Variants in STOM observed in about 807,000 individuals in gnomAD.
The protein encoded by STOM is stomatin.
In STOM, 25 loss-of-function variants were observed where a neutral mutation model predicts 30.6. The observed-to-expected ratio is 0.82, with a 90% confidence interval of 0.60 to 1.14. The LOEUF (loss-of-function observed/expected upper bound fraction) is 1.14. Ranked by LOEUF, STOM falls within the 50% of genes most tolerant of loss-of-function variation. The pLI is 0.00. For missense variants in STOM, 292 were observed against 365.2 expected (o/e 0.80, Z 1.63); for synonymous variants, 118 against 130.8 (o/e 0.90, Z 0.67).
intron 6 of STOM, among the ~76,000 whole-genome samples, chr9:121,343,681 A>G (rs1163400905): frequency 2.6e-5 from 4 of 152,160 alleles, no homozygotes; most frequent in Non-Finnish European, 5.9e-5. Flanking sequence ...ATTCCAGAAA[A>G]CTGTCAATGG....
chr9:121,367,132 A>C (rs955097747), intron 1 of STOM, among the ~76,000 whole-genome samples: 7 of 152,244 alleles, frequency 4.6e-5, no homozygotes, highest in Admixed American at 2.6e-4. Context: ...CAAACTGATA[A>C]ATATGTTATG....
intron 6 of STOM, 54 bp downstream of exon 6, chr9:121,347,961 T>G: frequency 6.5e-7 from 1 of 1,539,432 alleles, no homozygotes; most frequent in Non-Finnish European, 8.7e-7. Context: ...TTTTTTATAA[T>G]TATTAATAAA....
At chr9:121,344,324 T>A (rs1239737588) in intron 6 of STOM, among the ~76,000 whole-genome samples, 1 of 152,188 alleles carries the variant, frequency 6.6e-6, no homozygotes, top group Non-Finnish European at 1.5e-5. Flanking sequence ...ATTTTTTCCA[T>A]ATCATCTCAG....
intron 1 of STOM, among the ~76,000 whole-genome samples, chr9:121,368,667 G>A (rs2064528997): frequency 1.3e-5 from 2 of 152,226 alleles, no homozygotes; most frequent in East Asian, 3.9e-4. Context: ...TGGGGGGGTC[G>A]CGGTGGCTCA....
chr9:121,340,543 C>T lies in STOM; in HGVS notation c.*659G>A. Reference sequence around the variant, plus strand: ...CCTGAGGTTAGGAGTTCGTGACTAGCCTGGCCAACATGGTGAAACCCCGTC... The same window carrying T: ...CCTGAGGTTAGGAGTTCGTGACTAGTCTGGCCAACATGGTGAAACCCCGTC... On this transcript the variant is annotated 3_prime_UTR_variant, in exon 7 of 7. Coordinates refer to ENST00000286713, the MANE Select transcript of STOM (RefSeq NM_004099.6). 1 of 724,388 alleles carries T rather than the reference C, an allele frequency of 1.4e-6. No homozygotes were observed. Among genetic ancestry groups the T allele is most frequent in the Non-Finnish European group, 1.7e-6 (1 of 591,852 alleles). 44.9% of individuals were successfully genotyped at this position (724,388 alleles called of 1,614,324 possible).
intron 1 of STOM, among the ~76,000 whole-genome samples, chr9:121,365,280 C>A (rs1001058765): frequency 2.0e-5 from 3 of 151,936 alleles, no homozygotes; most frequent in Non-Finnish European, 4.4e-5. Flanking sequence ...AAAAATCAGA[C>A]CTTTTCCAAC....
At chr9:121,350,112 C>A (rs962260914) in intron 4 of STOM, among the ~76,000 whole-genome samples, 1 of 152,152 alleles carries the variant, frequency 6.6e-6, no homozygotes, top group Non-Finnish European at 1.5e-5. Context: ...GGTAACTTTA[C>A]TGAATAAAAC....
intron 1 of STOM, among the ~76,000 whole-genome samples, chr9:121,359,626 C>G (rs1589296237): frequency 6.6e-6 from 1 of 152,118 alleles, no homozygotes; most frequent in Non-Finnish European, 1.5e-5. Context: ...TCATTTAACT[C>G]TTACAACAGC....
Position 121,340,797 on chromosome 9 carries a change from T to A in STOM, c.*405A>T. 7 of 1,014,516 alleles carry A rather than the reference T, an allele frequency of 6.9e-6. No individual in the cohort carries two copies. The highest frequency in any genetic ancestry group is 5.9e-6 in the Non-Finnish European group (5 of 846,860). The allele number at this position is 1,014,516 out of a possible 1,614,324, so 62.8% of individuals were successfully genotyped here. ...CTCTGGAGGTAAGGCACATATGACC[T>A]GGAGAAGCTGGTTGTGGTGTAAGGT... On this transcript the variant is annotated 3_prime_UTR_variant, in exon 7 of 7. Coordinates refer to ENST00000286713, the MANE Select transcript of STOM (RefSeq NM_004099.6).
chr9:121,340,906 TA>T lies in STOM; in HGVS notation c.*295del, dbSNP rs1439701178. On this transcript the variant is annotated 3_prime_UTR_variant, in exon 7 of 7. Transcript: ENST00000286713. The stretch of plus-strand genomic sequence containing the variant: ...GGTTCTTGCCTCTGGCCTGGGTGCT[TA>T]GGGGGTTCAGAATGAGTCAGTGGAA... The T allele has an allele frequency of 1.6e-6, 2 of 1,213,688 alleles. No individual in the cohort carries two copies. Among genetic ancestry groups the T allele is most frequent in the Non-Finnish European group, 2.1e-6 (2 of 963,668 alleles). 75.2% of individuals were successfully genotyped at this position (1,213,688 alleles called of 1,614,324 possible). A position where few individuals can be genotyped will look rare whatever the true frequency, so the allele number is the denominator to read the frequency against.
chr9:121,360,856 A>T (rs928630937), intron 1 of STOM, among the ~76,000 whole-genome samples: 1 of 152,244 alleles, frequency 6.6e-6, no homozygotes, highest in Non-Finnish European at 1.5e-5. Flanking sequence ...ATCACCAGGA[A>T]CAAGGAATTA....
intron 1 of STOM, among the ~76,000 whole-genome samples, chr9:121,362,222 T>C (rs2064460381): frequency 6.6e-6 from 1 of 152,194 alleles, no homozygotes; most frequent in South Asian, 2.1e-4. Context: ...AAAGTTACTA[T>C]AAAAATTAGA....
intron 5 of STOM, among the ~76,000 whole-genome samples, chr9:121,348,883 G>GA (rs2064313169): frequency 6.6e-6 from 1 of 151,700 alleles, no homozygotes; most frequent in African/African-American, 2.4e-5. Flanking sequence ...ACTGATTCTG[G>GA]AAAAAAATAC....
Position 121,370,152 on chromosome 9 carries a change from G to T in STOM, c.36C>A (p.Ala12=). 6.5e-7 allele frequency: 1 copy of T among 1,547,364 alleles called. No individual in the cohort carries two copies. Among genetic ancestry groups the T allele is most frequent in the African/African-American group, 1.4e-5 (1 of 73,154 alleles). The part of the protein sequence containing the change: ...AEKRHTRDSE[A]QRLPDSFKDS... Reference sequence around the variant, plus strand: ...CCTTGAAGGAGTCGGGGAGCCGCTGGGCTTCGGAGTCCCGTGTGTGCCGCT... The same window carrying T: ...CCTTGAAGGAGTCGGGGAGCCGCTGTGCTTCGGAGTCCCGTGTGTGCCGCT... Residue 12 remains alanine, a synonymous_variant, in exon 1 of 7, where the codon GCC becomes GCA. Transcript: ENST00000286713.
intron 1 of STOM, among the ~76,000 whole-genome samples, chr9:121,357,332 T>C (rs1202458018): frequency 6.6e-6 from 1 of 151,320 alleles, no homozygotes. Flanking sequence ...TTCACAGAAG[T>C]ATAACAAAGG....
chr9:121,340,671 A>C lies in STOM; in HGVS notation c.*531T>G, dbSNP rs1161995807. The stretch of plus-strand genomic sequence containing the variant: ...AGGCTGAGGCAGGAGAATCTCTTGA[A>C]CCCAGGAGGCGGAGGTTGCAGTGAG... On this transcript the variant is annotated 3_prime_UTR_variant, in exon 7 of 7. Coordinates refer to ENST00000286713, the MANE Select transcript of STOM (RefSeq NM_004099.6). 4.3e-5 allele frequency: 36 copies of C among 843,678 alleles called. No homozygotes were observed. Among genetic ancestry groups the C allele is most frequent in the Non-Finnish European group, 4.7e-5 (33 of 701,048 alleles). 52.3% of individuals were successfully genotyped at this position (843,678 alleles called of 1,614,324 possible).
chr9:121,357,291 C>T (rs1182259989), intron 1 of STOM, among the ~76,000 whole-genome samples: 3 of 151,480 alleles, frequency 2.0e-5, no homozygotes, highest in East Asian at 3.9e-4. Flanking sequence ...ACAGCTTTTC[C>T]GTCTGATTAC....
chr9:121,359,325 G>C (rs1039407103), intron 1 of STOM, among the ~76,000 whole-genome samples: 1 of 152,170 alleles, frequency 6.6e-6, no homozygotes, highest in African/African-American at 2.4e-5. Context: ...GAAATATAGT[G>C]AGTACTTGGG....
At chr9:121,369,249 G>A (rs536659982) in intron 1 of STOM, among the ~76,000 whole-genome samples, 1 of 152,272 alleles carries the variant, frequency 6.6e-6, no homozygotes, top group South Asian at 2.1e-4. Context: ...TCCTGGAAAG[G>A]ACCACCCAGC....
Sources: gnomAD v4.1 joint callset for allele counts (sites outside exome capture counted in the v4.1 genomes callset) on GRCh38, gnomAD v4.1.1 for gene constraint, MANE v1.5 for transcripts, NCBI Gene and HGNC (gene_info 2026-07-23, HGNC 2026-07-21) for gene names.